The following SPTB variants were observed in gnomAD, a reference collection of about 807,000 sequenced individuals.
The protein encoded by SPTB is spectrin beta, erythrocytic, also known as spectrin beta chain, erythrocytic.
In SPTB, 45 loss-of-function variants were observed where a neutral mutation model predicts 256.2. That is an observed-to-expected ratio of 0.18 (90% CI 0.14 to 0.23). SPTB has a LOEUF of 0.23. SPTB is among the 10% of genes least tolerant of loss of function. SPTB has a pLI of 1.00. For missense variants in SPTB, 2,715 were observed against 3,040.4 expected (o/e 0.89, Z 2.52); for synonymous variants, 1,231 against 1,243.1 (o/e 0.99, Z 0.21).
At chr14:64,801,901 T>C (rs1044088723) in intron 5 of SPTB, 67 bp from the exon 6 acceptor site, 2 of 1,454,532 alleles carry the variant, frequency 1.4e-6, no homozygotes, top group African/African-American at 2.8e-5. Context: ...AGTGTACAAA[T>C]TGAGGGCCAA....
intron 32 of SPTB, among the ~76,000 whole-genome samples, chr14:64,765,618 G>A (rs1416457102): frequency 2.0e-5 from 3 of 152,340 alleles, no homozygotes; most frequent in Admixed American, 6.5e-5. Context: ...CTTCCTTCAA[G>A]TCTGTTCTTG....
chr14:64,833,543 T>C lies in SPTB; in HGVS notation c.-51-10398A>G, dbSNP rs920249747. ...CCCAGCCTGGGTGACAGAGCAAGAG[T>C]CCATCTCAAAAAAAAAAAAAAGAAA... On this transcript the variant is annotated intron_variant, in intron 1 of 35. Coordinates refer to ENST00000644917, the MANE Select transcript of SPTB (RefSeq NM_001355436.2). Among the ~76,000 whole-genome samples the C allele has an allele frequency of 6.8e-4, 95 of 139,416 alleles. 1 individual carries two copies. The highest frequency in any genetic ancestry group is 2.6e-3 in the African/African-American group (92 of 35,926). The allele number at this position is 139,416 out of a possible 152,430, so 91.5% of individuals were successfully genotyped here.
Position 64,794,581 on chromosome 14 carries a change from A to G in SPTB, c.1681T>C (p.Leu561=), listed in dbSNP as rs2082732953. Residue 561 remains leucine, a synonymous_variant, in exon 13 of 36, where the codon TTG becomes CTG. Transcript: ENST00000644917. ...LLSAEFGKHL[L]EVEDLLQKHK... is the part of the protein sequence containing the mutation. The stretch of plus-strand genomic sequence containing the variant: ...TTCTGTAGCAGGTCTTCAACCTCCA[A>G]CAAGTGCTTCCCAAACTCGGCAGAC... The G allele has an allele frequency of 1.9e-6, 3 of 1,614,044 alleles. No individual in the cohort carries two copies. Among genetic ancestry groups the G allele is most frequent in the Non-Finnish European group, 2.5e-6 (3 of 1,180,024 alleles).
rs1311265074 is a variant in SPTB, at chr14:64,779,247, C to T, written c.4474-1G>A. ...GAGGCAGCCTCTCCTCCACCCAAAG[C>T]TGCAGAGACCAGGAGGCAGGAGAGA... On this transcript the variant is annotated splice_acceptor_variant, in intron 21 of 35. Transcript: ENST00000644917. LOFTEE classifies it high-confidence loss of function. The surrounding 1 kb of genome is among the most constrained non-coding windows in gnomAD (Gnocchi z 4.2). The T allele has an allele frequency of 6.2e-7, 1 of 1,612,476 alleles. No homozygotes were observed. The highest frequency in any genetic ancestry group is 1.7e-5 in the Admixed American group (1 of 59,996).
Position 64,869,036 on chromosome 14 carries a change from A to G in SPTB, c.-52+10756T>C, listed in dbSNP as rs368857940. Reference sequence around the variant, plus strand: ...AAAGATGCAGGATTAAAAAAAAAAAAAAGAAACGCTGAGAATTAAGAGTCA... The same window carrying G: ...AAAGATGCAGGATTAAAAAAAAAAAGAAGAAACGCTGAGAATTAAGAGTCA... On this transcript the variant is annotated intron_variant, in intron 1 of 35. Coordinates refer to ENST00000644917, the MANE Select transcript of SPTB (RefSeq NM_001355436.2). 9.2e-5 allele frequency among the ~76,000 whole-genome samples: 14 copies of G among 152,186 alleles called. No individual in the cohort carries two copies. The East Asian group carries it at 9.6e-4, about 10-fold the overall frequency.
At chr14:64,750,998 T>A (rs1294925435) in intron 33 of SPTB, among the ~76,000 whole-genome samples, 1 of 145,362 alleles carries the variant, frequency 6.9e-6, no homozygotes, top group Non-Finnish European at 1.5e-5. Flanking sequence ...TTATATATAA[T>A]ACATTATATA....
At chr14:64,867,824 A>G (rs1209034723) in intron 1 of SPTB, among the ~76,000 whole-genome samples, 1 of 146,368 alleles carries the variant, frequency 6.8e-6, no homozygotes, top group Non-Finnish European at 1.5e-5. Context: ...ACTGTACTCC[A>G]GCCCTCTGGC....
chr14:64,804,658 C>T (rs964099667), intron 3 of SPTB, among the ~76,000 whole-genome samples: 12 of 152,308 alleles, frequency 7.9e-5, no homozygotes, highest in African/African-American at 2.9e-4. Flanking sequence ...CAGGCCATCA[C>T]AGGCCAGCTA....
intron 32 of SPTB, among the ~76,000 whole-genome samples, chr14:64,762,891 C>T (rs1056626372): frequency 6.6e-6 from 1 of 152,234 alleles, no homozygotes; most frequent in East Asian, 1.9e-4. Flanking sequence ...TTATCCCACA[C>T]AGTGAGCCCT....
chr14:64,793,291 T>A lies in SPTB; in HGVS notation c.2372A>T (p.Glu791Val). Residue 791 changes from glutamate (E) to valine (V), a missense_variant, in exon 14 of 36, where the codon GAG becomes GTG. Glu to Val is a moderately radical substitution (Grantham distance 121). Coordinates refer to ENST00000644917, the MANE Select transcript of SPTB (RefSeq NM_001355436.2). The surrounding 1 kb of genome is among the most constrained non-coding windows in gnomAD (Gnocchi z 7.0). Reference sequence around the variant, plus strand: ...CATCACCCCACGGCTCTCCTCCAGCTCCTCCAGGAAGTCCTTGTGCTTTTT... The same window carrying A: ...CATCACCCCACGGCTCTCCTCCAGCACCTCCAGGAAGTCCTTGTGCTTTTT... ...LGKKHKDFLE[E>V]LEESRGVMEH... 6.2e-7 allele frequency: 1 copy of A among 1,606,936 alleles called. No homozygotes were observed. Among genetic ancestry groups the A allele is most frequent in the Non-Finnish European group, 8.5e-7 (1 of 1,179,968 alleles).
intron 2 of SPTB, among the ~76,000 whole-genome samples, chr14:64,808,045 G>C (rs549175120): frequency 6.6e-6 from 1 of 152,176 alleles, no homozygotes; most frequent in African/African-American, 2.4e-5. Flanking sequence ...ACGGAGTCTC[G>C]CTCTGTTGCC....
chr14:64,864,058 T>G (rs1882011505), intron 1 of SPTB, among the ~76,000 whole-genome samples: 1 of 152,200 alleles, frequency 6.6e-6, no homozygotes, highest in South Asian at 2.1e-4. Flanking sequence ...TATTATTACT[T>G]TGGCATCATG....
rs1261459871 is a variant in SPTB at position 64,844,376 on chromosome 14, C to T, written c.-51-21231G>A. On this transcript the variant is annotated intron_variant, in intron 1 of 35. Coordinates refer to ENST00000644917, the MANE Select transcript of SPTB (RefSeq NM_001355436.2). This position sits in a 1 kb window ranked among gnomAD's most constrained non-coding sequence, Gnocchi z 4.1. ...ATTTGTAGAATACCATCACCCCCAACAACGAAACAACCATGTTTAGTGAGT... is the reference window on the plus strand; with the variant it reads ...ATTTGTAGAATACCATCACCCCCAATAACGAAACAACCATGTTTAGTGAGT... 6.6e-6 allele frequency among the ~76,000 whole-genome samples: 1 copy of T among 152,220 alleles called. No homozygotes were observed. The highest frequency in any genetic ancestry group is 1.5e-5 in the Non-Finnish European group (1 of 68,032).
rs564125129 is a variant in SPTB at position 64,852,450 on chromosome 14, A to G, written c.-52+27342T>C. On this transcript the variant is annotated intron_variant, in intron 1 of 35. Transcript: ENST00000644917. This position sits in a 1 kb window ranked among gnomAD's most constrained non-coding sequence, Gnocchi z 4.2. ...AACAGCATGGCTAGGCTTGCCTTCT[A>G]GAAAGATCCCTTTGGCAGGCATATG... Among the ~76,000 whole-genome samples the G allele has an allele frequency of 6.6e-6, 1 of 152,314 alleles. No individual in the cohort carries two copies. Among genetic ancestry groups the G allele is most frequent in the Admixed American group, 6.5e-5 (1 of 15,294 alleles).
At position 64,778,877 on chromosome 14, in the gene SPTB, C is replaced by G. The variant is rs915404192; in HGVS notation, c.4563+280G>C. ...CACATCAACCTCCAGGCCAGGCCCC[C>G]GAGATCCTGCATTCACCTGTGCCTG... On this transcript the variant is annotated intron_variant, in intron 22 of 35. Coordinates refer to ENST00000644917, the MANE Select transcript of SPTB (RefSeq NM_001355436.2). The surrounding 1 kb of genome is among the most constrained non-coding windows in gnomAD (Gnocchi z 5.2). Among the ~76,000 whole-genome samples the G allele has an allele frequency of 6.6e-6, 1 of 152,158 alleles. No homozygotes were observed. The highest frequency in any genetic ancestry group is 6.5e-5 in the Admixed American group (1 of 15,280).
chr14:64,864,085 T>A (rs184456570), intron 1 of SPTB, among the ~76,000 whole-genome samples: 36 of 152,290 alleles, frequency 2.4e-4, no homozygotes, highest in Admixed American at 1.4e-3. Context: ...GGACTCAAAT[T>A]CCATGGTGCT....
intron 1 of SPTB, among the ~76,000 whole-genome samples, chr14:64,838,619 T>C (rs1326620985): frequency 6.6e-6 from 1 of 151,808 alleles, no homozygotes; most frequent in Non-Finnish European, 1.5e-5. Context: ...TAATAGCAAA[T>C]AAGCACATGA....
intron 23 of SPTB, 24 bp from the exon 24 acceptor site, chr14:64,774,551 G>A (rs758923898): frequency 1.6e-5 from 25 of 1,551,796 alleles, no homozygotes; most frequent in African/African-American, 2.7e-5. Context: ...GACGGTCAGC[G>A]CCAGAGCTCA....
chr14:64,771,721 C>T (rs1394003796), intron 26 of SPTB, among the ~76,000 whole-genome samples: 3 of 152,196 alleles, frequency 2.0e-5, no homozygotes, highest in African/African-American at 7.2e-5. Flanking sequence ...TGGGGCTACA[C>T]CTATCTCAGG....
Sources: allele counts gnomAD v4.1 joint callset (sites outside exome capture counted in the v4.1 genomes callset), GRCh38; gene constraint gnomAD v4.1.1; non-coding constraint Gnocchi (gnomAD v3.1); transcripts MANE v1.5; gene names NCBI Gene and HGNC (gene_info 2026-07-23, HGNC 2026-07-21).